Variants in NAIF1 observed in about 807,000 individuals in gnomAD.
NAIF1 encodes the protein nuclear apoptosis-inducing factor 1.
NAIF1 carries 14 observed loss-of-function variants against 20.7 expected under a neutral mutation model. The observed-to-expected ratio is 0.67, with a 90% CI of 0.45 to 1.05. NAIF1 has a LOEUF of 1.05. Among genes scored for constraint, NAIF1 ranks in the 50% least tolerant of loss-of-function variants. The probability of loss-of-function intolerance (pLI) is 0.00; values close to 1 mark genes in which losing one functional copy is unlikely to be tolerated. For synonymous variants in NAIF1, 191 were observed against 191.4 expected (o/e 1.00, Z 0.02); for missense variants, 362 against 448.8 (o/e 0.81, Z 1.75).
intron 1 of NAIF1, among the ~76,000 whole-genome samples, chr9:128,064,829 C>T (rs1473446224): frequency 6.6e-6 from 1 of 152,060 alleles, no homozygotes; most frequent in East Asian, 1.9e-4. Context: ...ATGGAGAAAC[C>T]TCGTCTCTAT....
At chr9:128,066,560 G>A in intron 1 of NAIF1, 31 bp downstream of exon 1, 1 of 1,481,768 alleles carries the variant, frequency 6.7e-7, no homozygotes, top group Non-Finnish European at 8.9e-7. Context: ...TCCCACTTAT[G>A]CACGCCGCCT....
intron 1 of NAIF1, 95 bp downstream of exon 1, chr9:128,066,496 C>T (rs1363558569): frequency 2.9e-6 from 4 of 1,370,644 alleles, no homozygotes; most frequent in Non-Finnish European, 3.8e-6. Context: ...CCCATCTGAC[C>T]TCTGACCCTT....
At position 128,063,581 on chromosome 9, in the gene NAIF1, G is replaced by A. The variant is rs1468425483; in HGVS notation, c.831C>T (p.Gly277=). 4 of 1,612,494 alleles carry A rather than the reference G, an allele frequency of 2.5e-6. No homozygotes were observed. The highest frequency in any genetic ancestry group is 2.2e-5 in the South Asian group (2 of 91,096). ...AQERQAQAME[G]TQAALSVLIQ... ...TGAGGACGCTCAGGGCAGCCTGTGTGCCCTCCATGGCCTGGGCCTGGCGCT... is the reference window on the plus strand; with the variant it reads ...TGAGGACGCTCAGGGCAGCCTGTGTACCCTCCATGGCCTGGGCCTGGCGCT... Residue 277 remains glycine, a synonymous_variant, in exon 2 of 2, where the codon GGC becomes GGT. Transcript: ENST00000373078. The surrounding 1 kb of genome is among the most constrained non-coding windows in gnomAD (Gnocchi z 4.3).
chr9:128,064,098 T>G (rs910686480), intron 1 of NAIF1, among the ~76,000 whole-genome samples, 198 bp from the exon 2 acceptor site: 2 of 141,420 alleles, frequency 1.4e-5, no homozygotes, highest in African/African-American at 5.2e-5. Context: ...TTTTTTTTTT[T>G]TTTTTTTTGA....
chr9:128,063,504 T>C lies in NAIF1; in HGVS notation c.908A>G (p.Asn303Ser). 1 of 1,610,056 alleles carries C rather than the reference T, an allele frequency of 6.2e-7. No homozygotes were observed. Among genetic ancestry groups the C allele is most frequent in the East Asian group, 2.2e-5 (1 of 44,884 alleles). Residue 303 changes from asparagine (N) to serine (S), a missense_variant, in exon 2 of 2, where the codon AAC (asparagine) becomes AGC (serine). Asn to Ser is a conservative substitution (Grantham distance 46, BLOSUM62 1). Coordinates refer to ENST00000373078, the MANE Select transcript of NAIF1 (RefSeq NM_197956.4). The surrounding 1 kb of genome is among the most constrained non-coding windows in gnomAD (Gnocchi z 4.3). ...AGAGGCGGGGGCCGGGTTAGCTGTG[T>C]TGCTCTGCAGGTAGCGGCGGAAATC... ...IKDFRRYLQS[N>S]TANPAPASDP... is the part of the protein sequence containing the mutation.
Position 128,066,730 on chromosome 9 carries a change from C to T in NAIF1, c.372G>A (p.Leu124=). 1 of 1,611,912 alleles carries T rather than the reference C, an allele frequency of 6.2e-7. No homozygotes were observed. Among genetic ancestry groups the T allele is most frequent in the Non-Finnish European group, 8.5e-7 (1 of 1,179,100 alleles). ...AGATACGTTGTTGCATGGGGGTCAG[C>T]AGCACTGGGGCTACAGCTGGGCCAC... ...GGGGPAVAPV[L]LTPMQQRICN... The change falls in exon 1 of 2, where the codon CTG becomes CTA. Residue 124 remains leucine, a synonymous_variant. Coordinates refer to ENST00000373078, the MANE Select transcript of NAIF1 (RefSeq NM_197956.4).
chr9:128,066,447 G>T, intron 1 of NAIF1, 144 bp downstream of exon 1: 1 of 807,968 alleles, frequency 1.2e-6, no homozygotes, highest in Non-Finnish European at 1.8e-6. Flanking sequence ...ACTTCTGTCT[G>T]GGTGCTGCTC....
In NAIF1 at chr9:128,063,974, G is replaced by T. The variant is rs1246806706; in HGVS notation, c.512-74C>A. The T allele has an allele frequency of 7.3e-7, 1 of 1,372,258 alleles. No individual in the cohort carries two copies. The highest frequency in any genetic ancestry group is 1.0e-6 in the Non-Finnish European group (1 of 1,001,460). The allele number at this position is 1,372,258 out of a possible 1,614,324, so 85.0% of individuals were successfully genotyped here. A position where few individuals can be genotyped will look rare whatever the true frequency, so the allele number is the denominator to read the frequency against. ...AATAAAGCTGGCTGTATGGGGTGGG[G>T]AGGAGGCCATAAAGTCCTGTCCTGG... is the stretch of plus-strand genomic sequence containing the variant. On this transcript the variant is annotated intron_variant, in intron 1 of 1. Transcript: ENST00000373078. This position sits in a 1 kb window ranked among gnomAD's most constrained non-coding sequence, Gnocchi z 4.3.
rs1419123900 is a variant in NAIF1, at chr9:128,063,828, G to T, written c.584C>A (p.Pro195His). 1 of 1,612,872 alleles carries T rather than the reference G, an allele frequency of 6.2e-7. No homozygotes were observed. Among genetic ancestry groups the T allele is most frequent in the African/African-American group, 1.3e-5 (1 of 74,944 alleles). ...VEYCTAEAPP[P>H]LPPETPVDMM... ...GTCCACAGGGGTCTCTGGTGGCAGAGGTGGGGGCGCCTCAGCCGTGCAGTA... is the reference window on the plus strand; with the variant it reads ...GTCCACAGGGGTCTCTGGTGGCAGATGTGGGGGCGCCTCAGCCGTGCAGTA... The change falls in exon 2 of 2, where the codon CCT (proline) becomes CAT (histidine). Residue 195 changes from proline to histidine, a missense_variant. Transcript: ENST00000373078. The surrounding 1 kb of genome is among the most constrained non-coding windows in gnomAD (Gnocchi z 4.3).
intron 1 of NAIF1, among the ~76,000 whole-genome samples, chr9:128,064,112 G>T (rs1480312883): frequency 2.3e-5 from 3 of 131,726 alleles, no homozygotes; most frequent in Admixed American, 8.0e-5. Flanking sequence ...TTTTTGAGAC[G>T]GAGTCTCGTT....
chr9:128,063,804 T>A lies in NAIF1; in HGVS notation c.608A>T (p.Asp203Val). 5 of 1,613,718 alleles carry A rather than the reference T, an allele frequency of 3.1e-6. No homozygotes were observed. The highest frequency in any genetic ancestry group is 4.2e-6 in the Non-Finnish European group (5 of 1,180,026). ...CGTGTCTGCATGCTGGGCCATCATG[T>A]CCACAGGGGTCTCTGGTGGCAGAGG... ...PPPLPPETPV[D>V]MMAQHADTSV... The change falls in exon 2 of 2, where the codon GAC (aspartate) becomes GTC (valine). Residue 203 changes from aspartate (D) to valine (V), a missense_variant. Physicochemically the swap from Asp to Val is radical, Grantham distance 152. Around this residue, in one of 3 missense-constraint regions of NAIF1, gnomAD observed 300 missense variants for 342.7 expected, o/e 0.88. Transcript: ENST00000373078. This position sits in a 1 kb window ranked among gnomAD's most constrained non-coding sequence, Gnocchi z 4.3.
chr9:128,063,746 A>G lies in NAIF1; in HGVS notation c.666T>C (p.Ile222=). 6.2e-7 allele frequency: 1 copy of G among 1,614,200 alleles called. No homozygotes were observed. The highest frequency in any genetic ancestry group is 1.1e-5 in the South Asian group (1 of 91,090). ...GTATCAGCTTGGCGGAGTTGAGAGC[A>G]ATGCGGCTCTTGAGCGCTTGCGGCT... ...SVKPQALKSR[I]ALNSAKLIQE... The change falls in exon 2 of 2, where the codon ATT becomes ATC. Residue 222 remains isoleucine (I), a synonymous_variant. Coordinates refer to ENST00000373078, the MANE Select transcript of NAIF1 (RefSeq NM_197956.4). This position sits in a 1 kb window ranked among gnomAD's most constrained non-coding sequence, Gnocchi z 4.3.
At chr9:128,064,473 C>A (rs949275843) in intron 1 of NAIF1, among the ~76,000 whole-genome samples, 7 of 152,190 alleles carry the variant, frequency 4.6e-5, no homozygotes, top group African/African-American at 1.4e-4. Context: ...ACTTTTAGAG[C>A]AACTACTACA....
rs1446822626 is a variant in NAIF1 at position 128,061,251 on chromosome 9, A to G, written c.*2177T>C. On this transcript the variant is annotated 3_prime_UTR_variant, in exon 2 of 2. Coordinates refer to ENST00000373078, the MANE Select transcript of NAIF1 (RefSeq NM_197956.4). ...AGAGATGTGTGTATAAAAAAGTGAT[A>G]TGTCTTTAATTTAAAATTATGACCC... 1 of 152,178 alleles carries G rather than the reference A, an allele frequency of 6.6e-6. No individual in the cohort carries two copies. Among genetic ancestry groups the G allele is most frequent in the Non-Finnish European group, 1.5e-5 (1 of 68,030 alleles). 9.4% of individuals were successfully genotyped at this position (152,178 alleles called of 1,614,324 possible). A position where few individuals can be genotyped will look rare whatever the true frequency, so the allele number is the denominator to read the frequency against.
rs899017152 is a variant in NAIF1, at chr9:128,062,260, G to A, written c.*1168C>T. 1.3e-5 allele frequency: 2 copies of A among 152,444 alleles called. No homozygotes were observed. Among genetic ancestry groups the A allele is most frequent in the Non-Finnish European group, 2.9e-5 (2 of 68,188 alleles). The allele number at this position is 152,444 out of a possible 1,614,324, so 9.4% of individuals were successfully genotyped here. On this transcript the variant is annotated 3_prime_UTR_variant, in exon 2 of 2. Coordinates refer to ENST00000373078, the MANE Select transcript of NAIF1 (RefSeq NM_197956.4). Reference sequence around the variant, plus strand: ...CCGCCTCGGCCTCCCAAAGCGCTGGGATTACAGACTTGAGCCACCTCGCCC... The same window carrying A: ...CCGCCTCGGCCTCCCAAAGCGCTGGAATTACAGACTTGAGCCACCTCGCCC...
At position 128,066,954 on chromosome 9, in the gene NAIF1, C is replaced by T; in HGVS notation, c.148G>A (p.Gly50Ser). The change falls in exon 1 of 2, where the codon GGC becomes AGC. Residue 50 changes from glycine to serine, a missense_variant. Gly to Ser is a moderately conservative substitution (Grantham distance 56). Transcript: ENST00000373078. ...PLAAKSAAWHGILRRVNAVAT... is the reference protein window; with the variant it reads ...PLAAKSAAWHSILRRVNAVAT... ...ACGGCGTTGACCCTTCTCAGGATGC[C>T]GTGCCAGGCCGCACTCTTGGCGGCC... The T allele has an allele frequency of 6.2e-7, 1 of 1,613,020 alleles. No individual in the cohort carries two copies. The highest frequency in any genetic ancestry group is 1.1e-5 in the South Asian group (1 of 91,086).
At chr9:128,065,054 G>A (rs2130773613) in intron 1 of NAIF1, among the ~76,000 whole-genome samples, 1 of 151,240 alleles carries the variant, frequency 6.6e-6, no homozygotes, top group Non-Finnish European at 1.5e-5. Context: ...TCTTGGGTGG[G>A]ACTCTACACA....
intron 1 of NAIF1, among the ~76,000 whole-genome samples, chr9:128,065,110 CTTTT>C (rs531413208): frequency 2.3e-5 from 3 of 130,418 alleles, no homozygotes; most frequent in African/African-American, 2.9e-5. Context: ...ATGCTTTCTG[CTTTT>C]TTTTTTTTTT....
At chr9:128,064,675 T>C (rs1270314716) in intron 1 of NAIF1, among the ~76,000 whole-genome samples, 1 of 151,990 alleles carries the variant, frequency 6.6e-6, no homozygotes. Context: ...CCCGATGTGC[T>C]CCTGACCTCC....
Sources: allele counts gnomAD v4.1 joint callset (sites outside exome capture counted in the v4.1 genomes callset), GRCh38; gene constraint gnomAD v4.1.1; regional missense constraint gnomAD v4.1.1; non-coding constraint Gnocchi (gnomAD v3.1); transcripts MANE v1.5; gene names NCBI Gene and HGNC (gene_info 2026-07-23, HGNC 2026-07-21).